The following ITGA7 variants were observed in gnomAD, a reference collection of about 807,000 sequenced individuals.
The protein encoded by ITGA7 is integrin subunit alpha 7, also known as integrin alpha-7.
Under a neutral mutation model 131.6 loss-of-function variants are expected in ITGA7, and 84 were observed. That is an observed-to-expected ratio of 0.64 (90% CI 0.54 to 0.77). The LOEUF (loss-of-function observed/expected upper bound fraction) is 0.77, where lower values mean the gene tolerates loss of function less well. Among genes scored for constraint, ITGA7 ranks in the 30% least tolerant of loss-of-function variants. The pLI, the probability that ITGA7 is intolerant of heterozygous loss-of-function variation, is 0.00. For missense variants in ITGA7, 1,399 were observed against 1,482.9 expected (o/e 0.94, Z 0.93); for synonymous variants, 548 against 600.7 (o/e 0.91, Z 1.28).
chr12:55,687,201 A>G lies in ITGA7; in HGVS notation c.3183+770T>C, dbSNP rs1244874453. ...TTTTTTTTTTTTTTTTTTTTGAGAC[A>G]GAGTCCTGCTCAGTCCCCCAGGTTG... On this transcript the variant is annotated intron_variant, in intron 24 of 24. Transcript: ENST00000257879. Among the ~76,000 whole-genome samples the G allele has an allele frequency of 1.3e-4, 17 of 126,896 alleles. No individual in the cohort carries two copies. In the East Asian group the frequency reaches 3.3e-3, roughly 25 times the overall value. 83.2% of individuals were successfully genotyped at this position (126,896 alleles called of 152,430 possible). A position where few individuals can be genotyped will look rare whatever the true frequency, so the allele number is the denominator to read the frequency against.
Position 55,685,244 on chromosome 12 carries a change from G to A in ITGA7, c.3228C>T (p.Pro1076=). Residue 1076 remains proline (P), a synonymous_variant, in exon 25 of 25, where the codon CCC becomes CCT. Transcript: ENST00000257879. Reference sequence around the variant, plus strand: ...GAGGAATCTTCACCGCATGGTACTGGGGCACGGTGGCCTCGGGGTGCTTCG... The same window carrying A: ...GAGGAATCTTCACCGCATGGTACTGAGGCACGGTGGCCTCGGGGTGCTTCG... ...KRAKHPEATV[P]QYHAVKIPRE... is the part of the protein sequence containing the mutation. 6.2e-7 allele frequency: 1 copy of A among 1,614,204 alleles called. No homozygotes were observed. Among genetic ancestry groups the A allele is most frequent in the Non-Finnish European group, 8.5e-7 (1 of 1,180,028 alleles).
chr12:55,706,189 G>T (rs375943128), intron 1 of ITGA7, among the ~76,000 whole-genome samples: 1 of 152,170 alleles, frequency 6.6e-6, no homozygotes, highest in African/African-American at 2.4e-5. Flanking sequence ...TCCAGTCCTC[G>T]AACTCTGACA....
Position 55,698,708 on chromosome 12 carries a change from A to C in ITGA7, c.998+2T>G. 1.2e-6 allele frequency: 2 copies of C among 1,613,872 alleles called. No individual in the cohort carries two copies. The highest frequency in any genetic ancestry group is 1.7e-6 in the Non-Finnish European group (2 of 1,179,900). On this transcript the variant is annotated splice_donor_variant, in intron 6 of 24. Coordinates refer to ENST00000257879, the MANE Select transcript of ITGA7 (RefSeq NM_002206.3). LOFTEE classifies it high-confidence loss of function. ...AGGTGGCACGGCCCTCTACCCACTC[A>C]CCCATCACTGTTGAGGTCAGCCACA...
Position 55,697,936 on chromosome 12 carries a change from A to G in ITGA7, c.1281+2T>C, listed in dbSNP as rs1253337112. On this transcript the variant is annotated splice_donor_variant, in intron 8 of 24. Transcript: ENST00000257879. LOFTEE classifies it high-confidence loss of function. ...TTCCCTCATCCCAGCGACTCCCCTC[A>G]CCTGTGAAGGTTTGGCGACAACCCC... The G allele has an allele frequency of 1.9e-6, 3 of 1,613,518 alleles. No individual in the cohort carries two copies. Among genetic ancestry groups the G allele is most frequent in the Admixed American group, 3.3e-5 (2 of 59,960 alleles).
intron 1 of ITGA7, among the ~76,000 whole-genome samples, chr12:55,705,083 A>T (rs1277883482): frequency 6.6e-6 from 1 of 152,192 alleles, no homozygotes; most frequent in Non-Finnish European, 1.5e-5. Flanking sequence ...CTAAGCACCC[A>T]GATAAGTTAT....
At chr12:55,695,744 T>A in intron 13 of ITGA7, 107 bp from the exon 14 acceptor site, 1 of 770,060 alleles carries the variant, frequency 1.3e-6, no homozygotes, top group Non-Finnish European at 2.3e-6. Flanking sequence ...AAACAACCTG[T>A]CCTCAACTCT....
chr12:55,690,061 G>A (rs1338844148), intron 21 of ITGA7, among the ~76,000 whole-genome samples: 1 of 152,188 alleles, frequency 6.6e-6, no homozygotes, highest in African/African-American at 2.4e-5. Flanking sequence ...ATAGGCATGG[G>A]CAAGGACTTC....
chr12:55,689,203 G>A (rs1325737138), intron 21 of ITGA7, among the ~76,000 whole-genome samples: 1 of 152,222 alleles, frequency 6.6e-6, no homozygotes, highest in Non-Finnish European at 1.5e-5. Flanking sequence ...CCCAAGTGAT[G>A]CTTATGTTAC....
chr12:55,694,646 T>C lies in ITGA7; in HGVS notation c.2246A>G (p.Glu749Gly). The change falls in exon 16 of 25, where the codon GAG becomes GGG. Residue 749 changes from glutamate (E) to glycine (G), a missense_variant. Transcript: ENST00000257879. The surrounding 1 kb of genome is among the most constrained non-coding windows in gnomAD (Gnocchi z 5.3). ...ACCTCTCTTCATGGGGTTCCCCAGC[T>C]CACACTCAACATGGGAGGCATTCTC... is the stretch of plus-strand genomic sequence containing the variant. ...SNENASHVEC[E>G]LGNPMKRGAQ... is the part of the protein sequence containing the mutation. 1 of 1,614,116 alleles carries C rather than the reference T, an allele frequency of 6.2e-7. No individual in the cohort carries two copies. The highest frequency in any genetic ancestry group is 1.1e-5 in the South Asian group (1 of 91,088).
chr12:55,701,225 T>A, intron 3 of ITGA7, 71 bp from the exon 4 acceptor site: 1 of 1,608,540 alleles, frequency 6.2e-7, no homozygotes, highest in Admixed American at 1.7e-5. Context: ...GCTGCCCATA[T>A]GCAGAGATTT....
At chr12:55,701,446 C>T in intron 3 of ITGA7, 1 of 1,551,110 alleles carries the variant, frequency 6.4e-7, no homozygotes, top group Non-Finnish European at 8.7e-7. Flanking sequence ...ACAATTAAGC[C>T]ACCACATAGG....
At position 55,701,160 on chromosome 12, in the gene ITGA7, G is replaced by A. The variant is rs147118570; in HGVS notation, c.415-6C>T. The A allele has an allele frequency of 2.5e-6, 4 of 1,614,186 alleles. No homozygotes were observed. The highest frequency in any genetic ancestry group is 1.1e-5 in the South Asian group (1 of 91,090). On this transcript the variant is annotated splice_region_variant and splice_polypyrimidine_tract_variant and intron_variant, in intron 3 of 24. Transcript: ENST00000257879. Reference sequence around the variant, plus strand: ...TCATATCGGTGTGCACAGGTCTGGGGGAGGAAGGGATGGGGATCATTTCAC... The same window carrying A: ...TCATATCGGTGTGCACAGGTCTGGGAGAGGAAGGGATGGGGATCATTTCAC...
At chr12:55,702,045 T>C (rs942945675) in intron 3 of ITGA7, among the ~76,000 whole-genome samples, 1 of 152,168 alleles carries the variant, frequency 6.6e-6, no homozygotes, top group African/African-American at 2.4e-5. Flanking sequence ...GACGGAACTT[T>C]GCTCTTGTCT....
At chr12:55,708,113 T>C (rs1489660236), upstream of ITGA7, 2 of 855,814 alleles carry the variant, frequency 2.3e-6, no homozygotes, top group Non-Finnish European at 2.8e-6. Flanking sequence ...GGCGCTCTCC[T>C]CCCCTTCTCC....
At chr12:55,690,516 T>C (rs1871203066) in intron 21 of ITGA7, among the ~76,000 whole-genome samples, 5 of 149,540 alleles carry the variant, frequency 3.3e-5, no homozygotes, top group Admixed American at 6.8e-5. Flanking sequence ...ACTTTTACAC[T>C]GTTGGTGGGA....
At chr12:55,700,466 C>G in intron 4 of ITGA7, 1 of 1,526,418 alleles carries the variant, frequency 6.6e-7, no homozygotes, top group Non-Finnish European at 8.8e-7. Flanking sequence ...CTGAGTTAGA[C>G]AGGCACACGG....
At chr12:55,695,039 C>A in intron 14 of ITGA7, 69 bp from the exon 15 acceptor site, 1 of 1,478,788 alleles carries the variant, frequency 6.8e-7, no homozygotes, top group Non-Finnish European at 9.2e-7. Context: ...GCCCAGTCTG[C>A]TCCCCCAGTA....
In ITGA7 at chr12:55,707,621, G is replaced by GA. The variant is rs780961952; in HGVS notation, c.61dup (p.Ser21PhefsTer82). The GA allele has an allele frequency of 2.5e-6, 4 of 1,610,630 alleles. No individual in the cohort carries two copies. The East Asian group carries it at 8.9e-5, about 36-fold the overall frequency. On this transcript the variant is annotated frameshift_variant, in exon 1 of 25. Transcript: ENST00000257879. LOFTEE classifies it high-confidence loss of function. ...TGAGAAGAGCAGTTCGACGAGCAGG[G>GA]AGCCAAAAAGGTAGCAAATCCCGGA... is the stretch of plus-strand genomic sequence containing the variant.
rs757996389 is a variant in ITGA7 at position 55,703,198 on chromosome 12, C to A, written c.207-20G>T. Reference sequence around the variant, plus strand: ...AGCAGCCTGCAAGATGGGGCAGGGGCAGGGACAGGGACAGGAGTTAGAGGT... The same window carrying A: ...AGCAGCCTGCAAGATGGGGCAGGGGAAGGGACAGGGACAGGAGTTAGAGGT... On this transcript the variant is annotated intron_variant, in intron 1 of 24. Coordinates refer to ENST00000257879, the MANE Select transcript of ITGA7 (RefSeq NM_002206.3). The A allele has an allele frequency of 1.2e-6, 2 of 1,603,920 alleles. No homozygotes were observed. The highest frequency in any genetic ancestry group is 3.3e-5 in the Admixed American group (2 of 59,966).
Sources: gnomAD v4.1 joint callset for allele counts (sites outside exome capture counted in the v4.1 genomes callset) on GRCh38, gnomAD v4.1.1 for gene constraint, Gnocchi (gnomAD v3.1) non-coding constraint, MANE v1.5 for transcripts, NCBI Gene and HGNC (gene_info 2026-07-23, HGNC 2026-07-21) for gene names.